Variants in PRKAA2 observed in about 807,000 individuals in gnomAD.
PRKAA2 encodes the protein protein kinase AMP-activated catalytic subunit alpha 2, also known as 5'-AMP-activated protein kinase catalytic subunit alpha-2.
A neutral mutation model predicts 56.3 loss-of-function variants in PRKAA2; 40 were observed. The observed-to-expected ratio is 0.71, with a 90% confidence interval of 0.55 to 0.92. The LOEUF (loss-of-function observed/expected upper bound fraction) is 0.92. Ranked by LOEUF, PRKAA2 falls within the 40% of genes least tolerant of loss-of-function variation. The probability of loss-of-function intolerance (pLI) is 0.00; values close to 1 mark genes in which losing one functional copy is unlikely to be tolerated. For missense variants in PRKAA2, 542 were observed against 686.9 expected (o/e 0.79, Z 2.36); for synonymous variants, 214 against 234.2 (o/e 0.91, Z 0.79).
intron 7 of PRKAA2, 81 bp from the exon 8 acceptor site, chr1:56,706,011 A>T: frequency 2.4e-6 from 3 of 1,226,586 alleles, no homozygotes; most frequent in Non-Finnish European, 3.4e-6. Context: ...CCTCACCCCT[A>T]TTAATTATTT....
At position 56,689,446 on chromosome 1, in the gene PRKAA2, G is replaced by A. The variant is rs572379799; in HGVS notation, c.237-1948G>A. On this transcript the variant is annotated intron_variant, in intron 2 of 8. Coordinates refer to ENST00000371244, the MANE Select transcript of PRKAA2 (RefSeq NM_006252.4). Reference sequence around the variant, plus strand: ...CAAAATATTTCTTCTGGCCAGGCTTGGTGGCTCATGCCTGTAATCCCAGCA... The same window carrying A: ...CAAAATATTTCTTCTGGCCAGGCTTAGTGGCTCATGCCTGTAATCCCAGCA... Among the ~76,000 whole-genome samples, 75 of 152,286 alleles carry A rather than the reference G, an allele frequency of 4.9e-4. 1 individual carries two copies. In the South Asian group the frequency reaches 6.2e-3, roughly 13 times the overall value.
chr1:56,688,047 T>G (rs1309367390), intron 2 of PRKAA2, among the ~76,000 whole-genome samples: 1 of 152,220 alleles, frequency 6.6e-6, no homozygotes, highest in Non-Finnish European at 1.5e-5. Flanking sequence ...TTGAATTTCT[T>G]GTAATGCTTC....
At chr1:56,698,841 A>G (rs1278358365) in intron 6 of PRKAA2, among the ~76,000 whole-genome samples, 1 of 152,146 alleles carries the variant, frequency 6.6e-6, no homozygotes, top group Non-Finnish European at 1.5e-5. Context: ...TGCTCTGTGC[A>G]AGGTCTTGTG....
rs1287799421 is a variant in PRKAA2 at position 56,711,632 on chromosome 1, G to A, written c.*3919G>A. On this transcript the variant is annotated 3_prime_UTR_variant, in exon 9 of 9. Transcript: ENST00000371244. ...GTGTCACCCTGTGGCTTTTTAAATA[G>A]GGAATGTAATTTATTTTAATAGTAG... The A allele has an allele frequency of 6.6e-6, 1 of 152,006 alleles. No individual in the cohort carries two copies. Among genetic ancestry groups the A allele is most frequent in the Non-Finnish European group, 1.5e-5 (1 of 67,998 alleles). The allele number at this position is 152,006 out of a possible 1,614,324, so 9.4% of individuals were successfully genotyped here. A position where few individuals can be genotyped will look rare whatever the true frequency, so the allele number is the denominator to read the frequency against.
chr1:56,656,697 C>T (rs573672292), intron 1 of PRKAA2, among the ~76,000 whole-genome samples: 45 of 152,252 alleles, frequency 3.0e-4, no homozygotes, highest in African/African-American at 1.0e-3. Flanking sequence ...TCCACTGATA[C>T]GGGCTTCCCA....
intron 1 of PRKAA2, among the ~76,000 whole-genome samples, chr1:56,671,772 C>T (rs1644078704): frequency 6.6e-6 from 1 of 152,180 alleles, no homozygotes; most frequent in Non-Finnish European, 1.5e-5. Context: ...TATGCCATCA[C>T]TTACTGTGTG....
intron 1 of PRKAA2, among the ~76,000 whole-genome samples, chr1:56,655,902 G>A (rs1643937794): frequency 6.6e-6 from 1 of 152,162 alleles, no homozygotes; most frequent in African/African-American, 2.4e-5. Context: ...AACTGTCAGA[G>A]CCTCTACAGA....
chr1:56,707,370 C>T, intron 8 of PRKAA2, 105 bp from the exon 9 acceptor site: 2 of 905,848 alleles, frequency 2.2e-6, no homozygotes. Context: ...TTAAGTTGCC[C>T]TTGCTCAGAT....
chr1:56,680,628 G>GA (rs1483971893), intron 2 of PRKAA2, among the ~76,000 whole-genome samples: 1 of 152,062 alleles, frequency 6.6e-6, no homozygotes. Flanking sequence ...CTGTCCTTGT[G>GA]ATAGTTTGCT....
intron 6 of PRKAA2, among the ~76,000 whole-genome samples, chr1:56,702,974 A>G (rs1170615009): frequency 6.6e-6 from 1 of 152,230 alleles, no homozygotes; most frequent in Non-Finnish European, 1.5e-5. Flanking sequence ...AAATAAATTA[A>G]TCAGTGAATA....
intron 7 of PRKAA2, among the ~76,000 whole-genome samples, chr1:56,704,983 T>C (rs1458246497): frequency 6.6e-6 from 1 of 152,154 alleles, no homozygotes; most frequent in South Asian, 2.1e-4. Context: ...TTAGAGTACA[T>C]TTTCCTTACT....
At chr1:56,670,582 T>A (rs1569738654) in intron 1 of PRKAA2, among the ~76,000 whole-genome samples, 1 of 152,184 alleles carries the variant, frequency 6.6e-6, no homozygotes. Context: ...GTACGCTGGG[T>A]AGCCATGTAC....
chr1:56,686,883 C>A (rs200660635), intron 2 of PRKAA2, among the ~76,000 whole-genome samples: 2 of 128,584 alleles, frequency 1.6e-5, no homozygotes, highest in East Asian at 2.3e-4. Context: ...CCTAAATACT[C>A]TTTTTTTTTT....
chr1:56,662,127 A>C (rs1311155559), intron 1 of PRKAA2, among the ~76,000 whole-genome samples: 2 of 152,132 alleles, frequency 1.3e-5, no homozygotes, highest in African/African-American at 2.4e-5. Context: ...AGATTGATAC[A>C]TTTGTTAGGC....
chr1:56,651,285 CA>C (rs1407003000), intron 1 of PRKAA2, among the ~76,000 whole-genome samples: 26 of 152,142 alleles, frequency 1.7e-4, no homozygotes, highest in Non-Finnish European at 3.1e-4. Context: ...AACATATTTT[CA>C]ATACTTCAGT....
chr1:56,680,316 G>T (rs1644144061), intron 2 of PRKAA2, among the ~76,000 whole-genome samples: 1 of 151,874 alleles, frequency 6.6e-6, no homozygotes, highest in South Asian at 2.1e-4. Flanking sequence ...CCACAAGACT[G>T]AAGTACTTAG....
chr1:56,710,335 T>C lies in PRKAA2; in HGVS notation c.*2622T>C, dbSNP rs1237606753. 1 of 152,014 alleles carries C rather than the reference T, an allele frequency of 6.6e-6. No homozygotes were observed. Among genetic ancestry groups the C allele is most frequent in the Non-Finnish European group, 1.5e-5 (1 of 67,964 alleles). The allele number at this position is 152,014 out of a possible 1,614,324, so 9.4% of individuals were successfully genotyped here. On this transcript the variant is annotated 3_prime_UTR_variant, in exon 9 of 9. Transcript: ENST00000371244. ...GATTGCATGGACTAAGTTTGAAAAA[T>C]GTTGCATGCTACTCTTCCCCTCGAA...
intron 1 of PRKAA2, among the ~76,000 whole-genome samples, chr1:56,670,816 G>T (rs573232445): frequency 1.5e-3 from 227 of 152,160 alleles, no homozygotes; most frequent in African/African-American, 5.3e-3. Context: ...ATTTATTATT[G>T]GTGTTTTTAT....
chr1:56,668,957 G>T (rs558364213), intron 1 of PRKAA2, among the ~76,000 whole-genome samples: 1 of 152,268 alleles, frequency 6.6e-6, no homozygotes, highest in Non-Finnish European at 1.5e-5. Context: ...AGTGGCAACC[G>T]AAATCGTCAA....
Sources: allele counts gnomAD v4.1 joint callset (sites outside exome capture counted in the v4.1 genomes callset), GRCh38; gene constraint gnomAD v4.1.1; transcripts MANE v1.5; gene names NCBI Gene and HGNC (gene_info 2026-07-23, HGNC 2026-07-21).